The following PTPRM variants were observed in gnomAD, a reference collection of about 807,000 sequenced individuals.
PTPRM encodes the protein receptor-type tyrosine-protein phosphatase mu.
PTPRM carries 47 observed loss-of-function variants against 186.7 expected under a neutral mutation model. The observed-to-expected ratio is 0.25, with a 90% confidence interval of 0.20 to 0.32. PTPRM has a LOEUF of 0.32. Among genes scored for constraint, PTPRM ranks in the 10% least tolerant of loss-of-function variants. The pLI is 1.00. For synonymous variants in PTPRM, 668 were observed against 674.9 expected (o/e 0.99, Z 0.16); for missense variants, 1,494 against 1,865.0 (o/e 0.80, Z 3.66).
At chr18:7,979,316 A>G (rs922661338) in intron 7 of PTPRM, among the ~76,000 whole-genome samples, 3 of 152,184 alleles carry the variant, frequency 2.0e-5, no homozygotes, top group African/African-American at 4.8e-5. Flanking sequence ...ATGGGTTTCT[A>G]TGTACATAAA....
intron 19 of PTPRM, among the ~76,000 whole-genome samples, chr18:8,276,906 G>GA (rs1443481046): frequency 6.6e-6 from 1 of 150,420 alleles, no homozygotes; most frequent in East Asian, 2.0e-4. Flanking sequence ...GTGAATGACA[G>GA]AAAAAAAGGA....
intron 2 of PTPRM, among the ~76,000 whole-genome samples, chr18:7,855,281 A>G (rs2047041895): frequency 6.6e-6 from 1 of 152,158 alleles, no homozygotes; most frequent in Admixed American, 6.5e-5. Flanking sequence ...ACTGGCATGT[A>G]GTGATTAAGG....
intron 1 of PTPRM, among the ~76,000 whole-genome samples, chr18:7,569,551 G>A (rs2036520449): frequency 6.6e-6 from 1 of 152,064 alleles, no homozygotes; most frequent in South Asian, 2.1e-4. Context: ...CCCTAGTGAT[G>A]GTTTTCTCTT....
At chr18:8,071,820 C>A (rs1244353864) in intron 8 of PTPRM, among the ~76,000 whole-genome samples, 1 of 152,216 alleles carries the variant, frequency 6.6e-6, no homozygotes, top group Non-Finnish European at 1.5e-5. Context: ...GCTCTTCAGT[C>A]TGTGTTATTC....
In PTPRM at chr18:7,794,223, A is replaced by G. The variant is rs193300916; in HGVS notation, c.196+19952A>G. ...GTCCTTGTGATAGGGCAGGGGGTCTAATTGAGCTGACTTAACACAAGCCGC... is the reference window on the plus strand; with the variant it reads ...GTCCTTGTGATAGGGCAGGGGGTCTGATTGAGCTGACTTAACACAAGCCGC... On this transcript the variant is annotated intron_variant, in intron 2 of 32. Transcript: ENST00000580170. Among the ~76,000 whole-genome samples the G allele has an allele frequency of 7.6e-4, 116 of 152,318 alleles. 2 individuals carry two copies. The highest frequency in any genetic ancestry group is 2.7e-3 in the African/African-American group (111 of 41,562).
chr18:7,655,817 T>C (rs971206525), intron 1 of PTPRM, among the ~76,000 whole-genome samples: 16 of 152,192 alleles, frequency 1.1e-4, no homozygotes, highest in African/African-American at 3.6e-4. Flanking sequence ...ATTCCAGTTA[T>C]CTCACATTTT....
At chr18:8,303,974 T>C (rs1032951980) in intron 20 of PTPRM, among the ~76,000 whole-genome samples, 15 of 152,334 alleles carry the variant, frequency 9.8e-5, no homozygotes, top group African/African-American at 3.6e-4. Context: ...ATCCATTATT[T>C]GCAGAAATCA....
intron 3 of PTPRM, 107 bp downstream of exon 3, chr18:7,888,484 G>T: frequency 2.3e-6 from 3 of 1,311,938 alleles, no homozygotes; most frequent in Non-Finnish European, 2.0e-6. Context: ...ATTTTTGTTG[G>T]CAAGGTTGTG....
intron 2 of PTPRM, among the ~76,000 whole-genome samples, chr18:7,777,504 G>C (rs1209648070): frequency 6.6e-6 from 1 of 152,176 alleles, no homozygotes; most frequent in Non-Finnish European, 1.5e-5. Context: ...TCCACAAAGC[G>C]TAAGATATTT....
intron 1 of PTPRM, among the ~76,000 whole-genome samples, chr18:7,729,401 T>TA (rs2040611577): frequency 6.6e-6 from 1 of 152,228 alleles, no homozygotes; most frequent in South Asian, 2.1e-4. Flanking sequence ...CTTCTCAAGA[T>TA]AGATTATACA....
chr18:8,237,410 T>A (rs1324716795), intron 14 of PTPRM, among the ~76,000 whole-genome samples: 1 of 150,778 alleles, frequency 6.6e-6, no homozygotes, highest in Non-Finnish European at 1.5e-5. Flanking sequence ...AAGGCAGATC[T>A]GCTGGCAACT....
chr18:8,136,428 A>G (rs539502782), intron 13 of PTPRM, among the ~76,000 whole-genome samples: 2 of 152,362 alleles, frequency 1.3e-5, no homozygotes, highest in African/African-American at 4.8e-5. Flanking sequence ...CGTCAGCCAC[A>G]TCAATAAATG....
chr18:7,949,452 C>G, intron 6 of PTPRM, 97 bp downstream of exon 6: 3 of 1,062,840 alleles, frequency 2.8e-6, no homozygotes, highest in Admixed American at 2.8e-5. Flanking sequence ...TTACCCTTGT[C>G]TGTTTCTGAG....
At chr18:7,733,653 A>C (rs1320483437) in intron 1 of PTPRM, among the ~76,000 whole-genome samples, 1 of 152,180 alleles carries the variant, frequency 6.6e-6, no homozygotes, top group African/African-American at 2.4e-5. Context: ...TCCTTGAGGA[A>C]TCAGAGCACA....
intron 2 of PTPRM, among the ~76,000 whole-genome samples, chr18:7,830,699 A>G (rs1311776438): frequency 6.6e-6 from 1 of 152,216 alleles, no homozygotes; most frequent in Non-Finnish European, 1.5e-5. Context: ...AATAGGTCGC[A>G]TAAAGCCCAC....
chr18:7,781,187 G>A (rs1293723810), intron 2 of PTPRM, among the ~76,000 whole-genome samples: 2 of 152,038 alleles, frequency 1.3e-5, no homozygotes, highest in Non-Finnish European at 2.9e-5. Flanking sequence ...TTTCTCTTCT[G>A]AATGACGCCA....
chr18:7,848,441 C>A (rs993206798), intron 2 of PTPRM, among the ~76,000 whole-genome samples: 33 of 152,280 alleles, frequency 2.2e-4, no homozygotes, highest in South Asian at 8.3e-4. Context: ...TTAGTGTCTT[C>A]ATTTTCATTA....
chr18:7,574,560 T>G (rs1313888661), intron 1 of PTPRM, among the ~76,000 whole-genome samples: 1 of 152,228 alleles, frequency 6.6e-6, no homozygotes, highest in Non-Finnish European at 1.5e-5. Flanking sequence ...GCAGGTATAG[T>G]TACCACACTT....
chr18:7,598,779 T>G (rs560350588), intron 1 of PTPRM, among the ~76,000 whole-genome samples: 1 of 138,694 alleles, frequency 7.2e-6, no homozygotes, highest in African/African-American at 3.2e-5. Flanking sequence ...TAGTTCTGAA[T>G]TCCTTTTTTT....
Sources: allele counts gnomAD v4.1 joint callset (sites outside exome capture counted in the v4.1 genomes callset), GRCh38; gene constraint gnomAD v4.1.1; transcripts MANE v1.5; gene names NCBI Gene and HGNC (gene_info 2026-07-23, HGNC 2026-07-21).